ZNF345: variants seen among roughly 807,000 people sequenced by gnomAD.
The protein encoded by ZNF345 is zinc finger protein 345, also known as zinc finger protein HZF10.
For synonymous variants in ZNF345, 166 were observed against 187.9 expected (o/e 0.88, Z 0.95); for missense variants, 527 against 589.9 (o/e 0.89, Z 1.10).
At chr19:36,892,901 A>G in exon 4 of ZNF345, 13 of 1,151,400 alleles carry the variant, frequency 1.1e-5, no homozygotes, top group Non-Finnish European at 1.4e-5. Flanking sequence ...GGCCATCAGC[A>G]TGCCCAGGCA....
downstream of ZNF345, among the ~76,000 whole-genome samples, chr19:36,879,845 C>T (rs1296666762): frequency 2.6e-5 from 4 of 152,090 alleles, no homozygotes; most frequent in Non-Finnish European, 2.9e-5. Context: ...TATAATTGTG[C>T]CTATCACATA....
chr19:36,883,584 A>G (rs2072980653), downstream of ZNF345, among the ~76,000 whole-genome samples: 1 of 152,200 alleles, frequency 6.6e-6, no homozygotes, highest in Non-Finnish European at 1.5e-5. Flanking sequence ...ACACCTATGT[A>G]AGCACTGCCC....
At chr19:36,875,044 A>C (rs556207905) in intron 2 of ZNF345, among the ~76,000 whole-genome samples, 7 of 152,316 alleles carry the variant, frequency 4.6e-5, no homozygotes, top group African/African-American at 1.7e-4. Flanking sequence ...TATTCAATAA[A>C]TGCATTTAGG....
In ZNF345 at chr19:36,877,785, T is replaced by A; in HGVS notation, c.955T>A (p.Cys319Ser). Residue 319 changes from cysteine to serine, a missense_variant, in exon 3 of 3, where the codon TGT becomes AGT. Coordinates refer to ENST00000420450, the MANE Select transcript of ZNF345 (RefSeq NM_001242472.2). ...TGAGAAACCCTATGAGTGTAAGGAGTGTGAGAAAGCCTTTAGAAGTGGTTC... is the reference window on the plus strand; with the variant it reads ...TGAGAAACCCTATGAGTGTAAGGAGAGTGAGAAAGCCTTTAGAAGTGGTTC... ...TGEKPYECKE[C>S]EKAFRSGSKL... 1 of 1,613,150 alleles carries A rather than the reference T, an allele frequency of 6.2e-7. No individual in the cohort carries two copies. The highest frequency in any genetic ancestry group is 2.2e-5 in the East Asian group (1 of 44,828).
intron 2 of ZNF345, among the ~76,000 whole-genome samples, chr19:36,859,683 T>G (rs1370427975): frequency 6.6e-6 from 1 of 152,160 alleles, no homozygotes; most frequent in South Asian, 2.1e-4. Context: ...TAGTTTCATA[T>G]TTAACATAAG....
chr19:36,869,069 G>C (rs1033680381), intron 2 of ZNF345, among the ~76,000 whole-genome samples: 13 of 151,932 alleles, frequency 8.6e-5, no homozygotes, highest in African/African-American at 2.4e-4. Context: ...ATTCAGTTCT[G>C]GTACTAGCTG....
chr19:36,887,611 T>C (rs2073009923), intron 3 of ZNF345, among the ~76,000 whole-genome samples: 1 of 152,218 alleles, frequency 6.6e-6, no homozygotes, highest in Non-Finnish European at 1.5e-5. Flanking sequence ...TTTATCATGA[T>C]TTGAGTAATG....
At chr19:36,858,560 A>G (rs2072474414) in intron 2 of ZNF345, among the ~76,000 whole-genome samples, 1 of 152,110 alleles carries the variant, frequency 6.6e-6, no homozygotes, top group South Asian at 2.1e-4. Context: ...TGAGGTCGGG[A>G]GTTCGAGACC....
intron 2 of ZNF345, among the ~76,000 whole-genome samples, chr19:36,866,320 T>C (rs768085420): frequency 7.2e-5 from 11 of 152,090 alleles, no homozygotes; most frequent in Admixed American, 2.0e-4. Flanking sequence ...ACCATGAAGA[T>C]TGGAAAAATA....
chr19:36,889,448 T>A (rs1481728921), intron 3 of ZNF345: 1 of 152,186 alleles, frequency 6.6e-6, no homozygotes, highest in Non-Finnish European at 1.5e-5. Flanking sequence ...GCAAGATTTT[T>A]TTCTATTACT....
intron 2 of ZNF345, among the ~76,000 whole-genome samples, chr19:36,857,733 T>A (rs936012951): frequency 2.6e-5 from 4 of 152,220 alleles, no homozygotes; most frequent in Non-Finnish European, 5.9e-5. Context: ...AGGTACAAAA[T>A]AGCACTTAGA....
At chr19:36,850,414 A>G (rs1345387613), upstream of ZNF345, 2 of 152,282 alleles carry the variant, frequency 1.3e-5, no homozygotes, top group Admixed American at 6.5e-5. Context: ...GGACTTGGTT[A>G]AAGACTATTG....
At chr19:36,858,942 G>C (rs894029091) in intron 2 of ZNF345, among the ~76,000 whole-genome samples, 2 of 152,106 alleles carry the variant, frequency 1.3e-5, no homozygotes, top group African/African-American at 4.8e-5. Flanking sequence ...AGTTTTGGCA[G>C]AGGCAATCAA....
chr19:36,870,943 A>T (rs1041456833), intron 2 of ZNF345, among the ~76,000 whole-genome samples: 21 of 152,216 alleles, frequency 1.4e-4, no homozygotes, highest in African/African-American at 4.8e-4. Flanking sequence ...AATTTCAAAC[A>T]TAGAGAAAAA....
In ZNF345 at chr19:36,892,690, G is replaced by A. The variant is rs942270830; in HGVS notation, c.47-128G>A. The A allele has an allele frequency of 6.5e-6, 4 of 617,154 alleles. No homozygotes were observed. In the Admixed American group the frequency reaches 1.4e-4, roughly 21 times the overall value. The allele number at this position is 617,154 out of a possible 1,614,324, so 38.2% of individuals were successfully genotyped here. ...GATTCAGAAAGTAGATGACCTCTAT[G>A]ATCCTCAAATTTTGGTCTGAACCAG... On this transcript the variant is annotated intron_variant, in intron 3 of 3. Coordinates refer to the ZNF345 transcript ENST00000526123.
intron 3 of ZNF345, among the ~76,000 whole-genome samples, chr19:36,884,697 C>T (rs1242416638): frequency 2.6e-5 from 4 of 152,140 alleles, no homozygotes; most frequent in Non-Finnish European, 5.9e-5. Flanking sequence ...TAGCATGCCT[C>T]AAAGCACTCA....
chr19:36,877,299 T>C lies in ZNF345; in HGVS notation c.469T>C (p.Phe157Leu). ...TAAGGAATGTGGGAAAGCCTTTAGT[T>C]TTGGATCAGGCCTTATTCGACATCA... is the stretch of plus-strand genomic sequence containing the variant. ...ECKECGKAFS[F>L]GSGLIRHQII... The change falls in exon 3 of 3, where the codon TTT (phenylalanine) becomes CTT (leucine). Residue 157 changes from phenylalanine (F) to leucine (L), a missense_variant. Physicochemically the swap from Phe to Leu is conservative, Grantham distance 22 (BLOSUM62 0). Transcript: ENST00000420450. 1 of 1,611,586 alleles carries C rather than the reference T, an allele frequency of 6.2e-7. No individual in the cohort carries two copies. Among genetic ancestry groups the C allele is most frequent in the Non-Finnish European group, 8.5e-7 (1 of 1,179,192 alleles).
intron 2 of ZNF345, among the ~76,000 whole-genome samples, chr19:36,861,771 A>G (rs576492606): frequency 9.9e-5 from 15 of 151,630 alleles, no homozygotes; most frequent in South Asian, 8.3e-4. Context: ...CATGTTGGCC[A>G]GGATGGTCTT....
chr19:36,891,778 G>A, intron 3 of ZNF345: 1 of 1,613,964 alleles, frequency 6.2e-7, no homozygotes, highest in South Asian at 1.1e-5. Flanking sequence ...GTTAGTAAGT[G>A]TTGAGGCACT....
Sources: gnomAD v4.1 joint callset for allele counts (sites outside exome capture counted in the v4.1 genomes callset) on GRCh38, gnomAD v4.1.1 for gene constraint, MANE v1.5 for transcripts, NCBI Gene and HGNC (gene_info 2026-07-23, HGNC 2026-07-21) for gene names.